The following LRRTM4 variants were observed in gnomAD, a reference collection of about 807,000 sequenced individuals.
LRRTM4 encodes leucine rich repeat transmembrane neuronal 4, also known as leucine-rich repeat transmembrane neuronal protein 4.
LRRTM4 carries 25 observed loss-of-function variants against 47.6 expected under a neutral mutation model. That is an observed-to-expected ratio of 0.53 (90% confidence interval 0.38 to 0.73). The LOEUF is 0.73. LRRTM4 is among the 30% of genes least tolerant of loss of function. LRRTM4 has a pLI of 0.00. For missense variants in LRRTM4, 638 were observed against 713.4 expected (o/e 0.89, Z 1.20); for synonymous variants, 311 against 269.5 (o/e 1.15, Z -1.51).
intron 3 of LRRTM4, among the ~76,000 whole-genome samples, chr2:77,500,503 T>G (rs191469390): frequency 0.02 from 2,790 of 139,734 alleles, 41 homozygotes; most frequent in Non-Finnish European, 0.027. Flanking sequence ...AAAAGAAAAC[T>G]TATCATATTC....
intron 3 of LRRTM4, among the ~76,000 whole-genome samples, chr2:77,026,879 T>C (rs1027015454): frequency 2.0e-5 from 3 of 152,128 alleles, no homozygotes; most frequent in African/African-American, 7.2e-5. Flanking sequence ...TAAATGTGTC[T>C]ATGAATATTT....
intron 3 of LRRTM4, among the ~76,000 whole-genome samples, chr2:77,385,741 C>CTTTTTTT (rs33978835): frequency 3.8e-4 from 31 of 82,292 alleles, no homozygotes; most frequent in African/African-American, 6.1e-4. Flanking sequence ...GTACATGGTA[C>CTTTTTTT]TTTTTTTTTT....
intron 3 of LRRTM4, among the ~76,000 whole-genome samples, chr2:76,839,027 T>C (rs1380926675): frequency 1.3e-5 from 2 of 152,132 alleles, no homozygotes; most frequent in Non-Finnish European, 2.9e-5. Flanking sequence ...GGTACCATTA[T>C]AGGAGCCAGA....
intron 3 of LRRTM4, among the ~76,000 whole-genome samples, chr2:77,103,353 C>A (rs775026139): frequency 1.3e-5 from 2 of 152,084 alleles, no homozygotes; most frequent in Non-Finnish European, 2.9e-5. Context: ...ATTTAAACTG[C>A]CAAACAAATC....
At chr2:77,068,499 C>T (rs1680036016) in intron 3 of LRRTM4, among the ~76,000 whole-genome samples, 2 of 152,158 alleles carry the variant, frequency 1.3e-5, no homozygotes, top group Admixed American at 1.3e-4. Context: ...CATGAATCTC[C>T]TTTCTATCTT....
At chr2:76,803,438 C>G (rs1033755918) in intron 3 of LRRTM4, among the ~76,000 whole-genome samples, 1 of 152,052 alleles carries the variant, frequency 6.6e-6, no homozygotes, top group East Asian at 1.9e-4. Flanking sequence ...ATAAGAAAGA[C>G]AAAAAAGTAC....
chr2:76,914,250 C>T (rs1323436379), intron 3 of LRRTM4, among the ~76,000 whole-genome samples: 1 of 151,690 alleles, frequency 6.6e-6, no homozygotes, highest in East Asian at 1.9e-4. Context: ...AAGAACCATA[C>T]ATGAATAATT....
Position 76,883,984 on chromosome 2 carries a change from ATT to A in LRRTM4, c.1552-135070_1552-135069del, listed in dbSNP as rs72200115. 8.9e-4 allele frequency among the ~76,000 whole-genome samples: 127 copies of A among 143,452 alleles called. No individual in the cohort carries two copies. The South Asian group carries it at 0.015, about 17-fold the overall frequency. 94.1% of individuals were successfully genotyped at this position (143,452 alleles called of 152,430 possible). A position where few individuals can be genotyped will look rare whatever the true frequency, so the allele number is the denominator to read the frequency against. Reference sequence around the variant, plus strand: ...AGGTGCACACCACCACACCCGGCTAATTTTTTTTTTTTTTTGGTAGAACTGGG... The same window carrying A: ...AGGTGCACACCACCACACCCGGCTAATTTTTTTTTTTTTGGTAGAACTGGG... On this transcript the variant is annotated intron_variant, in intron 3 of 3. Transcript: ENST00000409884.
At chr2:76,957,618 T>C (rs1391233950) in intron 3 of LRRTM4, among the ~76,000 whole-genome samples, 1 of 151,758 alleles carries the variant, frequency 6.6e-6, no homozygotes, top group Non-Finnish European at 1.5e-5. Context: ...TTTATCAAAC[T>C]TGGATTATCA....
chr2:76,902,172 T>C (rs1475990493), intron 3 of LRRTM4, among the ~76,000 whole-genome samples: 3 of 152,126 alleles, frequency 2.0e-5, no homozygotes, highest in Non-Finnish European at 4.4e-5. Context: ...GTGACAAAAT[T>C]AACAGTCCAT....
At chr2:77,063,247 T>C (rs544730454) in intron 3 of LRRTM4, among the ~76,000 whole-genome samples, 4 of 152,256 alleles carry the variant, frequency 2.6e-5, no homozygotes, top group Admixed American at 2.0e-4. Flanking sequence ...CGTGAGCCAC[T>C]GCGCCCGGCC....
chr2:77,062,231 C>T (rs778211241), intron 3 of LRRTM4, among the ~76,000 whole-genome samples: 2 of 152,086 alleles, frequency 1.3e-5, no homozygotes, highest in Non-Finnish European at 2.9e-5. Context: ...CATTATTACA[C>T]AATAATTCTA....
chr2:77,001,620 A>G (rs1558789748), intron 3 of LRRTM4, among the ~76,000 whole-genome samples: 1 of 152,092 alleles, frequency 6.6e-6, no homozygotes. Context: ...CCTTATAGCC[A>G]CTTTTCTATA....
At chr2:76,836,029 A>G (rs930435501) in intron 3 of LRRTM4, among the ~76,000 whole-genome samples, 3 of 151,974 alleles carry the variant, frequency 2.0e-5, no homozygotes, top group African/African-American at 7.2e-5. Context: ...AGAAGAGTAT[A>G]TGTCACAATG....
At chr2:77,014,622 G>A (rs1275874000) in intron 3 of LRRTM4, among the ~76,000 whole-genome samples, 1 of 151,784 alleles carries the variant, frequency 6.6e-6, no homozygotes, top group East Asian at 1.9e-4. Flanking sequence ...GACCAGCCTG[G>A]CCAACATGGT....
chr2:76,920,774 C>T (rs899874938), intron 3 of LRRTM4, among the ~76,000 whole-genome samples: 8 of 152,060 alleles, frequency 5.3e-5, no homozygotes, highest in African/African-American at 7.2e-5. Context: ...TCTTCTTTGC[C>T]TTCTACTTCA....
intron 3 of LRRTM4, among the ~76,000 whole-genome samples, chr2:77,457,048 A>ATATG (rs1553446865): frequency 0.013 from 195 of 14,594 alleles, 2 homozygotes; most frequent in African/African-American, 0.03. Context: ...ATATATATAT[A>ATATG]TATGTATAAC....
intron 3 of LRRTM4, among the ~76,000 whole-genome samples, chr2:77,126,337 A>G (rs568196989): frequency 1.9e-4 from 29 of 152,300 alleles, no homozygotes; most frequent in African/African-American, 6.7e-4. Flanking sequence ...CAAATTAATA[A>G]AGAAATATAT....
At chr2:76,836,846 A>G (rs1671529078) in intron 3 of LRRTM4, among the ~76,000 whole-genome samples, 1 of 152,246 alleles carries the variant, frequency 6.6e-6, no homozygotes, top group South Asian at 2.1e-4. Flanking sequence ...GGGCATATGT[A>G]TGGCTGTGAG....
Sources: allele counts gnomAD v4.1 joint callset (sites outside exome capture counted in the v4.1 genomes callset), GRCh38; gene constraint gnomAD v4.1.1; transcripts MANE v1.5; gene names NCBI Gene and HGNC (gene_info 2026-07-23, HGNC 2026-07-21).